NCOR2: variants seen among roughly 807,000 people sequenced by gnomAD.
NCOR2 encodes the protein nuclear receptor corepressor 2.
A neutral mutation model predicts 262.9 loss-of-function variants in NCOR2; 81 were observed. The ratio of observed to expected loss-of-function variants is 0.31; its 90% CI spans 0.26 to 0.37. The LOEUF (loss-of-function observed/expected upper bound fraction) is 0.37. NCOR2 is among the 10% of genes least tolerant of loss of function. The pLI is 1.00. For synonymous variants in NCOR2, 1,659 were observed against 1,559.3 expected, an observed-to-expected ratio of 1.06 and a Z score of -1.51; for missense variants, 3,385 against 3,621.4, an observed-to-expected ratio of 0.93 and a Z score of 1.68.
chr12:124,416,413 C>T (rs964606841), intron 13 of NCOR2, among the ~76,000 whole-genome samples: 1 of 152,178 alleles, frequency 6.6e-6, no homozygotes, highest in Non-Finnish European at 1.5e-5. Context: ...CACTTGAGGG[C>T]CCCATCCCTG....
intron 27 of NCOR2, among the ~76,000 whole-genome samples, chr12:124,352,272 T>C (rs146016452): frequency 3.3e-4 from 51 of 152,268 alleles, no homozygotes; most frequent in African/African-American, 1.1e-3. Flanking sequence ...TAACATCAGA[T>C]GGTCCATGTC....
chr12:124,546,858 G>A (rs837483), intron 1 of NCOR2, among the ~76,000 whole-genome samples: 31,567 of 152,124 alleles, frequency 0.21, 3,459 homozygotes, highest in African/African-American at 0.25. Flanking sequence ...TGTCCATCCC[G>A]GGAATCAGAT....
chr12:124,377,817 C>T (rs2040125517), intron 18 of NCOR2, among the ~76,000 whole-genome samples: 1 of 148,648 alleles, frequency 6.7e-6, no homozygotes, highest in African/African-American at 2.5e-5. Context: ...CCAGCCTGGG[C>T]GACAGAGCAA....
chr12:124,346,830 C>T, exon 31 of NCOR2: 2 of 1,578,964 alleles, frequency 1.3e-6, no homozygotes, highest in Non-Finnish European at 1.7e-6. Context: ...TCCTGTGCCT[C>T]CACGTAGGAC....
chr12:124,359,074 G>A (rs143798047), intron 22 of NCOR2, among the ~76,000 whole-genome samples: 2 of 152,226 alleles, frequency 1.3e-5, no homozygotes, highest in Non-Finnish European at 2.9e-5. Flanking sequence ...CAGGCCTGGG[G>A]AGATCCTGTA....
intron 22 of NCOR2, among the ~76,000 whole-genome samples, chr12:124,361,122 CAA>C (rs33951841): frequency 0.61 from 74,863 of 122,440 alleles, 23,972 homozygotes; most frequent in Non-Finnish European, 0.73. Context: ...CCGTCTCAAA[CAA>C]AAAAAAAAAA....
At chr12:124,376,966 C>T (rs1049763053) in intron 18 of NCOR2, among the ~76,000 whole-genome samples, 1 of 152,208 alleles carries the variant, frequency 6.6e-6, no homozygotes, top group Non-Finnish European at 1.5e-5. Context: ...CTCCAGGGGC[C>T]TTCGGTCACG....
At chr12:124,430,887 C>A (rs193238046) in intron 8 of NCOR2, 100 bp from the exon 11 acceptor site, 8 of 1,404,418 alleles carry the variant, frequency 5.7e-6, no homozygotes, top group South Asian at 2.7e-5. Context: ...CAGGTGCGTG[C>A]GCACACACAC....
chr12:124,340,094 C>T lies in NCOR2; in HGVS notation c.5599G>A (p.Ala1867Thr), dbSNP rs1363412308. The stretch of plus-strand genomic sequence containing the variant: ...AGCACACTGGGTCTCTGCTGGAGGG[C>T]ATCCTGGGTCCGAGGGGAGATGGGC... Residue 1867 changes from alanine (A) to threonine (T), a missense_variant, in exon 37 of 47, where the codon GCC becomes ACC. Ala to Thr is a moderately conservative substitution (Grantham distance 58, BLOSUM62 0). Transcript: ENST00000405201. 6.2e-7 allele frequency: 1 copy of T among 1,612,946 alleles called. No individual in the cohort carries two copies. The highest frequency in any genetic ancestry group is 1.7e-5 in the Admixed American group (1 of 60,028).
chr12:124,325,383 C>CCCA lies in NCOR2; in HGVS notation c.*18_*19insTGG, dbSNP rs1555297252. The CCCA allele has an allele frequency of 3.4e-5, 15 of 440,026 alleles. 2 individuals carry two copies. The highest frequency in any genetic ancestry group is 2.6e-4 in the African/African-American group (11 of 41,666). 27.3% of individuals were successfully genotyped at this position (440,026 alleles called of 1,614,324 possible). A position where few individuals can be genotyped will look rare whatever the true frequency, so the allele number is the denominator to read the frequency against. Reference sequence around the variant, plus strand: ...CTCGCTGGGACCTGACACCGCCCCCCCCCCCGCCCTGTTCTGAGTCACTCG... The same window carrying CCCA: ...CTCGCTGGGACCTGACACCGCCCCCCCCACCCCCGCCCTGTTCTGAGTCACTCG... On this transcript the variant is annotated 3_prime_UTR_variant, in exon 47 of 47. Transcript: ENST00000405201.
chr12:124,463,659 T>A (rs1317223223), intron 5 of NCOR2, among the ~76,000 whole-genome samples: 1 of 152,186 alleles, frequency 6.6e-6, no homozygotes, highest in Non-Finnish European at 1.5e-5. Flanking sequence ...TTGTCCTCCA[T>A]CTCTCCAGGA....
chr12:124,447,215 C>A (rs2045233762), intron 7 of NCOR2, among the ~76,000 whole-genome samples: 1 of 152,220 alleles, frequency 6.6e-6, no homozygotes, highest in Non-Finnish European at 1.5e-5. Flanking sequence ...GCGCCCAGCA[C>A]ATCTAGTTGT....
intron 1 of NCOR2, among the ~76,000 whole-genome samples, chr12:124,520,139 T>C (rs928622089): frequency 2.6e-5 from 4 of 152,178 alleles, no homozygotes; most frequent in Non-Finnish European, 5.9e-5. Flanking sequence ...GCTGGCCCTC[T>C]AGCCTTCCCC....
chr12:124,531,025 G>A lies in NCOR2; in HGVS notation c.-118+4540C>T, dbSNP rs141361674. Among the ~76,000 whole-genome samples, 83 of 152,254 alleles carry A rather than the reference G, an allele frequency of 5.5e-4. No individual in the cohort carries two copies. Among genetic ancestry groups the A allele is most frequent in the African/African-American group, 1.6e-3 (66 of 41,542 alleles). On this transcript the variant is annotated intron_variant, in intron 1 of 46. Transcript: ENST00000404621. The surrounding 1 kb of genome is among the most constrained non-coding windows in gnomAD (Gnocchi z 4.5). ...GGCATTTAACTGATGCCTGCTGTCCGGACAGGACACGGTTCCTGGGCTCCA... is the reference window on the plus strand; with the variant it reads ...GGCATTTAACTGATGCCTGCTGTCCAGACAGGACACGGTTCCTGGGCTCCA...
chr12:124,473,003 G>A (rs2046906740), exon 4 of NCOR2: 2 of 1,614,116 alleles, frequency 1.2e-6, no homozygotes, highest in Admixed American at 1.7e-5. Context: ...TGATCTCTCG[G>A]TCCACGCGGT....
rs574578912 is a variant in NCOR2, at chr12:124,435,701, T to A, written c.882+2229A>T. On this transcript the variant is annotated intron_variant, in intron 8 of 46. Transcript: ENST00000405201. Reference sequence around the variant, plus strand: ...ACCCCATGCCTGCCCAGGGTCCCCCTCCCCAGGCACTGCTCAGCCCCACCA... The same window carrying A: ...ACCCCATGCCTGCCCAGGGTCCCCCACCCCAGGCACTGCTCAGCCCCACCA... 3.3e-5 allele frequency among the ~76,000 whole-genome samples: 5 copies of A among 151,772 alleles called. No homozygotes were observed. In the South Asian group the frequency reaches 1.0e-3, roughly 32 times the overall value.
At chr12:124,555,464 G>A (rs1203618973) in intron 1 of NCOR2, among the ~76,000 whole-genome samples, 2 of 152,244 alleles carry the variant, frequency 1.3e-5, no homozygotes, top group Non-Finnish European at 1.5e-5. Flanking sequence ...AACGTCCGCA[G>A]GATGTATACA....
At chr12:124,350,655 C>T (rs1183168054) in exon 28 of NCOR2, 8 of 1,613,916 alleles carry the variant, frequency 5.0e-6, no homozygotes, top group East Asian at 4.5e-5. Context: ...GCTGTCCTCC[C>T]GGCCGCGGTC....
chr12:124,529,296 G>T (rs567176955), intron 1 of NCOR2, among the ~76,000 whole-genome samples: 1 of 146,280 alleles, frequency 6.8e-6, no homozygotes, highest in Admixed American at 7.0e-5. Flanking sequence ...GCAAAACCCC[G>T]TCTCTACTAA....
Sources: gnomAD v4.1 joint callset for allele counts (sites outside exome capture counted in the v4.1 genomes callset) on GRCh38, gnomAD v4.1.1 for gene constraint, Gnocchi (gnomAD v3.1) non-coding constraint, MANE v1.5 for transcripts, NCBI Gene and HGNC (gene_info 2026-07-23, HGNC 2026-07-21) for gene names.